Variants in PIEZO1 observed in about 807,000 individuals in gnomAD.
PIEZO1 encodes the protein piezo type mechanosensitive ion channel component 1 (Er blood group).
In PIEZO1, 296 loss-of-function variants were observed where a neutral mutation model predicts 297.2. The ratio of observed to expected loss-of-function variants is 1.00; its 90% CI spans 0.91 to 1.10. PIEZO1 has a LOEUF of 1.10. PIEZO1 is among the 50% of genes least tolerant of loss of function. PIEZO1 has a pLI of 0.00. For missense variants in PIEZO1, 5,018 were observed against 3,455.5 expected, an observed-to-expected ratio of 1.45 and a Z score of -11.34; for synonymous variants, 2,427 against 1,507.5, an observed-to-expected ratio of 1.61 and a Z score of -14.13.
chr16:88,747,493 G>A (rs1906125465), intron 2 of PIEZO1, among the ~76,000 whole-genome samples: 1 of 152,208 alleles, frequency 6.6e-6, no homozygotes, highest in African/African-American at 2.4e-5. Context: ...TCCAGCCTGG[G>A]TGACAGAGTG....
intron 23 of PIEZO1, 117 bp downstream of exon 23, chr16:88,727,440 T>C: frequency 1.6e-6 from 1 of 641,126 alleles, no homozygotes; most frequent in Non-Finnish European, 2.7e-6. Context: ...CAGGCCGCCA[T>C]GTGCCTGACC....
At position 88,734,764 on chromosome 16, in the gene PIEZO1, G is replaced by A. The variant is rs1304101002; in HGVS notation, c.1883C>T (p.Ala628Val). ...GTAGGCCACCACGAGCCACCAGAAG[G>A]CCTTGAGCAGCTTCCGCCACAGGCT... ...YYSLWRKLLK[A>V]FWWLVVAYTM... The change falls in exon 15 of 51, where the codon GCC (alanine) becomes GTC (valine). Residue 628 changes from alanine (A) to valine (V), a missense_variant. Physicochemically the swap from Ala to Val is moderately conservative, Grantham distance 64. Coordinates refer to ENST00000301015, the MANE Select transcript of PIEZO1 (RefSeq NM_001142864.4). 3.9e-6 allele frequency: 6 copies of A among 1,550,296 alleles called. No individual in the cohort carries two copies. The South Asian group carries it at 5.9e-5, about 15-fold the overall frequency.
At chr16:88,754,901 C>T (rs780753646) in intron 1 of PIEZO1, among the ~76,000 whole-genome samples, 30 of 152,238 alleles carry the variant, frequency 2.0e-4, no homozygotes, top group Non-Finnish European at 3.1e-4. Context: ...ACGAACGCCC[C>T]GGCGTGCCGT....
At chr16:88,777,929 C>T (rs906603431) in intron 1 of PIEZO1, among the ~76,000 whole-genome samples, 5 of 152,268 alleles carry the variant, frequency 3.3e-5, no homozygotes, top group African/African-American at 1.2e-4. Context: ...TGACGCCCCT[C>T]CTGGGCAGGC....
intron 21 of PIEZO1, 135 bp downstream of exon 21, chr16:88,732,200 G>T (rs1904897071): frequency 8.4e-6 from 6 of 715,108 alleles, no homozygotes; most frequent in Non-Finnish European, 1.2e-5. Flanking sequence ...AGCCGTGCCT[G>T]GCCCTGAGTC....
intron 22 of PIEZO1, among the ~76,000 whole-genome samples, chr16:88,730,597 C>CAAAA (rs59142015): frequency 1.3e-4 from 11 of 84,276 alleles, no homozygotes; most frequent in East Asian, 1.1e-3. Flanking sequence ...GACTCCATCT[C>CAAAA]AAAAAAAAAA....
At chr16:88,738,977 G>C (rs1051956793) in intron 5 of PIEZO1, 2 of 574,810 alleles carry the variant, frequency 3.5e-6, no homozygotes, top group Non-Finnish European at 6.2e-6. Context: ...CTCCCACCCT[G>C]GCCGAAGACC....
intron 1 of PIEZO1, among the ~76,000 whole-genome samples, chr16:88,771,663 G>C (rs55835136): frequency 6.6e-6 from 1 of 152,244 alleles, no homozygotes; most frequent in African/African-American, 2.4e-5. Context: ...CCATAGGGAG[G>C]TGCTGGGTGG....
At chr16:88,747,191 A>G (rs1226609304) in intron 2 of PIEZO1, among the ~76,000 whole-genome samples, 2 of 150,370 alleles carry the variant, frequency 1.3e-5, no homozygotes, top group African/African-American at 4.9e-5. Flanking sequence ...TGATCATGCC[A>G]CTGCTCTCCA....
At chr16:88,748,501 C>T (rs1246218904) in intron 2 of PIEZO1, among the ~76,000 whole-genome samples, 27 of 130,644 alleles carry the variant, frequency 2.1e-4, no homozygotes, top group African/African-American at 4.7e-4. Flanking sequence ...CCCCCCCCCC[C>T]GCACAAGTGG....
At chr16:88,731,957 G>GA (rs151293846) in intron 21 of PIEZO1, 47 bp from the exon 22 acceptor site, 326 of 98,596 alleles carry the variant, frequency 3.3e-3, no homozygotes, top group African/African-American at 0.018. Flanking sequence ...GAGTCTGGGG[G>GA]GAGGGACTTT....
At chr16:88,727,717 C>T (rs1056498412) in intron 22 of PIEZO1, 56 bp from the exon 23 acceptor site, 1 of 856,214 alleles carries the variant, frequency 1.2e-6, no homozygotes, top group Non-Finnish European at 1.7e-6. Context: ...GCCTGAGACA[C>T]CCGGTCCCCA....
chr16:88,737,904 G>A, intron 8 of PIEZO1, 30 bp downstream of exon 8: 1 of 1,530,882 alleles, frequency 6.5e-7, no homozygotes, highest in Non-Finnish European at 8.7e-7. Flanking sequence ...CCTGGCCTCA[G>A]CCCACCCACC....
At chr16:88,748,039 C>A (rs1183519832) in intron 2 of PIEZO1, among the ~76,000 whole-genome samples, 2 of 152,202 alleles carry the variant, frequency 1.3e-5, no homozygotes, top group East Asian at 3.9e-4. Flanking sequence ...CCAGCACCTC[C>A]CAGAAGGGCG....
rs561421549 is a variant in PIEZO1, at chr16:88,727,023, G to A, written c.3455+16C>T. On this transcript the variant is annotated intron_variant, in intron 24 of 50. Coordinates refer to ENST00000301015, the MANE Select transcript of PIEZO1 (RefSeq NM_001142864.4). ...CCTCCCAGAAGGTTCCCCGTGGAGG[G>A]TGACGTGGAACCCACCTGCAGTGGA... is the stretch of plus-strand genomic sequence containing the variant. The A allele has an allele frequency of 9.0e-6, 14 of 1,548,182 alleles. No individual in the cohort carries two copies. The highest frequency in any genetic ancestry group is 1.0e-5 in the Non-Finnish European group (12 of 1,145,222).
intron 1 of PIEZO1, among the ~76,000 whole-genome samples, chr16:88,764,572 G>A (rs991284148): frequency 6.6e-6 from 1 of 151,850 alleles, no homozygotes; most frequent in African/African-American, 2.4e-5. Context: ...CCAACATGAC[G>A]AAACCCCGTC....
intron 1 of PIEZO1, among the ~76,000 whole-genome samples, chr16:88,777,130 A>T (rs190268090): frequency 2.6e-5 from 4 of 152,142 alleles, no homozygotes; most frequent in African/African-American, 9.6e-5. Flanking sequence ...CTGTCACCAT[A>T]CCCAGCTAAT....
rs201967733 is a variant in PIEZO1, at chr16:88,721,207, C to A, written c.5627G>T (p.Arg1876Met). The change falls in exon 39 of 51, where the codon AGG (arginine) becomes ATG (methionine). Residue 1876 changes from arginine (R) to methionine (M), a missense_variant. By Grantham distance (91) the Arg-to-Met change is moderately conservative (BLOSUM62 -1). Transcript: ENST00000301015. ...TRRISLRFRRRKKEGPARKGA... is the reference protein window; with the variant it reads ...TRRISLRFRRMKKEGPARKGA... ...TTTCCGTGCTGGGCCCTCCTTCTTC[C>A]TTCTTCTAAAACGTAGACTGATGCG... 1.1e-5 allele frequency: 17 copies of A among 1,528,010 alleles called. No individual in the cohort carries two copies. The Admixed American group carries it at 3.0e-4, about 27-fold the overall frequency. The allele number at this position is 1,528,010 out of a possible 1,614,324, so 94.7% of individuals were successfully genotyped here. A position where few individuals can be genotyped will look rare whatever the true frequency, so the allele number is the denominator to read the frequency against.
chr16:88,715,427 G>A lies in PIEZO1; in HGVS notation c.*178C>T, dbSNP rs1342022886. The A allele has an allele frequency of 2.1e-5, 19 of 925,710 alleles. No homozygotes were observed. Among genetic ancestry groups the A allele is most frequent in the African/African-American group, 9.9e-5 (6 of 60,400 alleles). 57.3% of individuals were successfully genotyped at this position (925,710 alleles called of 1,614,324 possible). A position where few individuals can be genotyped will look rare whatever the true frequency, so the allele number is the denominator to read the frequency against. ...GGGGGACGGCAGCGCCACGCAGGCC[G>A]TGGGGACGCAGTGTCCTTCTCTGAC... On this transcript the variant is annotated 3_prime_UTR_variant, in exon 51 of 51. Coordinates refer to ENST00000301015, the MANE Select transcript of PIEZO1 (RefSeq NM_001142864.4).
Sources: allele counts gnomAD v4.1 joint callset (sites outside exome capture counted in the v4.1 genomes callset), GRCh38; gene constraint gnomAD v4.1.1; transcripts MANE v1.5; gene names NCBI Gene and HGNC (gene_info 2026-07-23, HGNC 2026-07-21).